Variants in HOXD11 observed in about 807,000 individuals in gnomAD.
HOXD11 encodes homeobox protein Hox-D11.
HOXD11 carries 16 observed loss-of-function variants against 23.1 expected under a neutral mutation model. The ratio of observed to expected loss-of-function variants is 0.69; its 90% CI spans 0.47 to 1.05. The LOEUF (loss-of-function observed/expected upper bound fraction) is 1.05, where lower values mean the gene tolerates loss of function less well. Among genes scored for constraint, HOXD11 ranks in the 50% least tolerant of loss-of-function variants. The pLI is 0.00. For missense variants in HOXD11, 564 were observed against 495.6 expected (o/e 1.14, Z -1.31); for synonymous variants, 262 against 224.4 (o/e 1.17, Z -1.50).
downstream of HOXD11, among the ~76,000 whole-genome samples, chr2:176,111,837 A>C (rs1227447035): frequency 6.8e-6 from 1 of 147,806 alleles, no homozygotes; most frequent in Admixed American, 6.8e-5. Flanking sequence ...AAAAAAAAAA[A>C]AAAAAAAAAA....
chr2:176,107,811 G>C lies in HOXD11; in HGVS notation c.456G>C (p.Gly152=), dbSNP rs2105387445. Reference sequence around the variant, plus strand: ...CTGAGCCGGTGTGCGCTGCGCCGGGGCCGCCGCACGGCCCCGCGGGCGCCG... The same window carrying C: ...CTGAGCCGGTGTGCGCTGCGCCGGGCCCGCCGCACGGCCCCGCGGGCGCCG... ...KAPEPVCAAP[G]PPHGPAGAAS... The change falls in exon 1 of 2, where the codon GGG becomes GGC. Residue 152 remains glycine (G), a synonymous_variant. Transcript: ENST00000249504. The C allele has an allele frequency of 7.2e-7, 1 of 1,398,460 alleles. No individual in the cohort carries two copies. Among genetic ancestry groups the C allele is most frequent in the Admixed American group, 3.0e-5 (1 of 32,820 alleles). 86.6% of individuals were successfully genotyped at this position (1,398,460 alleles called of 1,614,324 possible).
chr2:176,113,254 C>A (rs1443923446), downstream of HOXD11, among the ~76,000 whole-genome samples: 1 of 152,192 alleles, frequency 6.6e-6, no homozygotes, highest in Non-Finnish European at 1.5e-5. Context: ...TCCGGGGTGA[C>A]CCTAAGAGCC....
Position 176,107,756 on chromosome 2 carries a change from G to T in HOXD11, c.401G>T (p.Gly134Val). 1 of 1,213,466 alleles carries T rather than the reference G, an allele frequency of 8.2e-7. No individual in the cohort carries two copies. The highest frequency in any genetic ancestry group is 3.6e-5 in the East Asian group (1 of 28,054). The allele number at this position is 1,213,466 out of a possible 1,614,324, so 75.2% of individuals were successfully genotyped here. A position where few individuals can be genotyped will look rare whatever the true frequency, so the allele number is the denominator to read the frequency against. The stretch of plus-strand genomic sequence containing the variant: ...CAACGCGAGCTTCTCCCGCCCGCGG[G>T]CCGCCGGCCGGACGTGCTCTTCAAG... ...AMQRELLPPA[G>V]RRPDVLFKAP... The change falls in exon 1 of 2, where the codon GGC becomes GTC. Residue 134 changes from glycine (G) to valine (V), a missense_variant. Transcript: ENST00000249504.
intron 1 of HOXD11, 175 bp from the exon 2 acceptor site, chr2:176,108,732 C>T (rs1689626800): frequency 1.7e-6 from 1 of 604,708 alleles, no homozygotes; most frequent in South Asian, 2.0e-5. Context: ...CCCGCACTCT[C>T]TCCTGTGCCC....
chr2:176,112,264 G>A (rs188865652), downstream of HOXD11, among the ~76,000 whole-genome samples: 4 of 152,350 alleles, frequency 2.6e-5, no homozygotes, highest in Non-Finnish European at 4.4e-5. Flanking sequence ...CAGTGCATTC[G>A]TTGCGTGCCC....
Position 176,109,131 on chromosome 2 carries a change from C to A in HOXD11, c.1006C>A (p.Pro336Thr), listed in dbSNP as rs1190888110. 2 of 1,610,458 alleles carry A rather than the reference C, an allele frequency of 1.2e-6. No homozygotes were observed. The highest frequency in any genetic ancestry group is 2.2e-5 in the East Asian group (1 of 44,870). Reference protein sequence around the residue: ...RDRLQYFTGNPLF With the variant: ...RDRLQYFTGNTLF ...CCGTCTGCAGTATTTCACTGGAAAC[C>A]CCTTATTTTGAGAGCTCCAGGAAGC... The change falls in exon 2 of 2, where the codon CCC becomes ACC. Residue 336 changes from proline (P) to threonine (T), a missense_variant. Transcript: ENST00000249504.
downstream of HOXD11, among the ~76,000 whole-genome samples, chr2:176,110,592 T>C (rs891345539): frequency 6.6e-6 from 1 of 152,214 alleles, no homozygotes; most frequent in African/African-American, 2.4e-5. Context: ...AAAAAATAAG[T>C]GCATAAATGT....
chr2:176,112,903 C>G (rs1247866976), downstream of HOXD11, among the ~76,000 whole-genome samples: 1 of 152,210 alleles, frequency 6.6e-6, no homozygotes, highest in South Asian at 2.1e-4. Context: ...GACCTCTCCC[C>G]ACCCCCATCT....
At chr2:176,108,612 G>A (rs1317543181) in intron 1 of HOXD11, among the ~76,000 whole-genome samples, 2 of 151,710 alleles carry the variant, frequency 1.3e-5, no homozygotes, top group Admixed American at 6.6e-5. Flanking sequence ...TCAGGTTCCA[G>A]TTTAGAGCCT....
Position 176,108,696 on chromosome 2 carries a change from T to TGTGTGTGTCC in HOXD11, c.782-209_782-208insGTGTGTCCGT, listed in dbSNP as rs960078937. The TGTGTGTGTCC allele has an allele frequency of 1.7e-5, 10 of 579,016 alleles. No homozygotes were observed. The African/African-American group carries it at 1.7e-4, about 10-fold the overall frequency. The allele number at this position is 579,016 out of a possible 1,614,324, so 35.9% of individuals were successfully genotyped here. On this transcript the variant is annotated intron_variant, in intron 1 of 1. Coordinates refer to ENST00000249504, the MANE Select transcript of HOXD11 (RefSeq NM_021192.3). ...GTGTGTGTGTGTGTGTGTGTGTGTGTGTCCGGGCGTGAACACATGTCCACG... is the reference window on the plus strand; with the variant it reads ...GTGTGTGTGTGTGTGTGTGTGTGTGTGTGTGTGTCCGTCCGGGCGTGAACACATGTCCACG...
At chr2:176,108,217 G>A in intron 1 of HOXD11, 81 bp downstream of exon 1, 1 of 842,486 alleles carries the variant, frequency 1.2e-6, no homozygotes, top group Non-Finnish European at 1.7e-6. Context: ...CTCTGCTTGC[G>A]CCTTTTTATG....
downstream of HOXD11, among the ~76,000 whole-genome samples, chr2:176,113,431 G>C (rs945935906): frequency 1.3e-5 from 2 of 152,180 alleles, no homozygotes; most frequent in Non-Finnish European, 2.9e-5. Context: ...ACAAATATGG[G>C]TATTCATCTC....
At position 176,109,029 on chromosome 2, in the gene HOXD11, A is replaced by T. The variant is rs1559114351; in HGVS notation, c.904A>T (p.Met302Leu). 9.3e-6 allele frequency: 15 copies of T among 1,614,114 alleles called. No homozygotes were observed. Among genetic ancestry groups the T allele is most frequent in the Non-Finnish European group, 1.3e-5 (15 of 1,179,900 alleles). ...AGAGAAAAGACTTCAACTCTCTCGG[A>T]TGCTCAACCTCACTGACCGGCAAGT... ...NKEKRLQLSR[M>L]LNLTDRQVKI... The change falls in exon 2 of 2, where the codon ATG becomes TTG. Residue 302 changes from methionine (M) to leucine (L), a missense_variant. Transcript: ENST00000249504.
At chr2:176,115,390 G>A in the HOXD11 span, among the ~76,000 whole-genome samples, 1 of 152,174 alleles carries the variant, frequency 6.6e-6, no homozygotes, top group African/African-American at 2.4e-5. Context: ...AAACAAAAAT[G>A]ACCTTCTTGG....
chr2:176,111,013 G>C (rs1193793384), downstream of HOXD11, among the ~76,000 whole-genome samples: 4 of 152,228 alleles, frequency 2.6e-5, no homozygotes, highest in African/African-American at 9.6e-5. Flanking sequence ...GAAAGAGGAA[G>C]TTCTGTGCAG....
Position 176,107,965 on chromosome 2 carries a change from C to A in HOXD11, c.610C>A (p.Pro204Thr). ...QPPPPPAPPQ[P>T]EGAADKGDPR... Reference sequence around the variant, plus strand: ...CCCGCCGCCACCCGCGCCGCCACAGCCCGAGGGCGCAGCCGACAAGGGCGA... The same window carrying A: ...CCCGCCGCCACCCGCGCCGCCACAGACCGAGGGCGCAGCCGACAAGGGCGA... Residue 204 changes from proline to threonine, a missense_variant, in exon 1 of 2, where the codon CCC becomes ACC. Physicochemically the swap from Pro to Thr is conservative, Grantham distance 38 (BLOSUM62 -1). Coordinates refer to ENST00000249504, the MANE Select transcript of HOXD11 (RefSeq NM_021192.3). 7.0e-7 allele frequency: 1 copy of A among 1,423,910 alleles called. No homozygotes were observed. Among genetic ancestry groups the A allele is most frequent in the Non-Finnish European group, 9.2e-7 (1 of 1,092,896 alleles). The allele number at this position is 1,423,910 out of a possible 1,614,324, so 88.2% of individuals were successfully genotyped here. A position where few individuals can be genotyped will look rare whatever the true frequency, so the allele number is the denominator to read the frequency against.
chr2:176,115,343 CA>C, the HOXD11 span, among the ~76,000 whole-genome samples: 1 of 152,162 alleles, frequency 6.6e-6, no homozygotes, highest in Non-Finnish European at 1.5e-5. Flanking sequence ...CAACTTCTGA[CA>C]AAAGTATAGC....
At chr2:176,115,159 T>C in the HOXD11 span, among the ~76,000 whole-genome samples, 1 of 152,222 alleles carries the variant, frequency 6.6e-6, no homozygotes, top group East Asian at 1.9e-4. Flanking sequence ...GTGGTGGTAG[T>C]GGTGGTAGTG....
chr2:176,107,938 C>T lies in HOXD11; in HGVS notation c.583C>T (p.Pro195Ser), dbSNP rs1479950283. 88 of 1,409,790 alleles carry T rather than the reference C, an allele frequency of 6.2e-5. No individual in the cohort carries two copies. The highest frequency in any genetic ancestry group is 7.9e-5 in the Non-Finnish European group (86 of 1,084,408). 87.3% of individuals were successfully genotyped at this position (1,409,790 alleles called of 1,614,324 possible). Reference sequence around the variant, plus strand: ...CGGGCCCCCGTTCGCCGGGCCGCAGCCCCCGCCGCCACCCGCGCCGCCACA... The same window carrying T: ...CGGGCCCCCGTTCGCCGGGCCGCAGTCCCCGCCGCCACCCGCGCCGCCACA... The part of the protein sequence containing the change: ...APGPPFAGPQ[P>S]PPPPAPPQPE... The change falls in exon 1 of 2, where the codon CCC (proline) becomes TCC (serine). Residue 195 changes from proline to serine, a missense_variant. Physicochemically the swap from Pro to Ser is moderately conservative, Grantham distance 74. Coordinates refer to ENST00000249504, the MANE Select transcript of HOXD11 (RefSeq NM_021192.3).
Sources: allele counts gnomAD v4.1 joint callset (sites outside exome capture counted in the v4.1 genomes callset), GRCh38; gene constraint gnomAD v4.1.1; transcripts MANE v1.5; gene names NCBI Gene and HGNC (gene_info 2026-07-23, HGNC 2026-07-21).